Variants in PARD3 observed in about 807,000 individuals in gnomAD.
PARD3 encodes the protein partitioning defective 3 homolog.
A neutral mutation model predicts 155.4 loss-of-function variants in PARD3; 75 were observed. The ratio of observed to expected loss-of-function variants is 0.48; its 90% CI spans 0.40 to 0.58. The LOEUF is 0.58. Among genes scored for constraint, PARD3 ranks in the 20% least tolerant of loss-of-function variants. The probability of loss-of-function intolerance (pLI) is 0.00; values close to 1 mark genes in which losing one functional copy is unlikely to be tolerated. For missense variants in PARD3, 1,642 were observed against 1,721.7 expected (o/e 0.95, Z 0.82); for synonymous variants, 576 against 610.5 (o/e 0.94, Z 0.83).
chr10:34,442,454 T>C (rs1029830982), intron 5 of PARD3, among the ~76,000 whole-genome samples: 4 of 152,136 alleles, frequency 2.6e-5, no homozygotes, highest in Non-Finnish European at 4.4e-5. Flanking sequence ...TAAGAAAATA[T>C]AGGCACTGAG....
intron 2 of PARD3, among the ~76,000 whole-genome samples, chr10:34,682,812 G>A (rs942568491): frequency 3.3e-5 from 5 of 152,142 alleles, no homozygotes; most frequent in African/African-American, 1.2e-4. Flanking sequence ...AGGAGACAGA[G>A]GTTGCAGAGA....
chr10:34,725,809 A>G (rs1187695084), intron 1 of PARD3, among the ~76,000 whole-genome samples: 1 of 152,224 alleles, frequency 6.6e-6, no homozygotes, highest in Non-Finnish European at 1.5e-5. Flanking sequence ...GCAACTGAAC[A>G]ACAAAAGTTA....
rs1210600478 is a variant in PARD3 at position 34,696,331 on chromosome 10, T to C, written c.209A>G (p.Asp70Gly). ...ACCTGAACTCACTCTGTCTTTATCGTCTGCTACATCACAAAGAATGTCATC... is the reference window on the plus strand; with the variant it reads ...ACCTGAACTCACTCTGTCTTTATCGCCTGCTACATCACAAAGAATGTCATC... Reference protein sequence around the residue: ...DLDDILCDVADDKDRLVAVFD... With the variant: ...DLDDILCDVAGDKDRLVAVFD... The change falls in exon 2 of 25, where the codon GAC becomes GGC. Residue 70 changes from aspartate to glycine, a missense_variant. Around this residue, in one of 3 missense-constraint regions of PARD3, gnomAD observed 38 missense variants for 69.1 expected, o/e 0.55. Coordinates refer to ENST00000374788, the MANE Select transcript of PARD3 (RefSeq NM_001184785.2). 6.2e-7 allele frequency: 1 copy of C among 1,606,560 alleles called. No individual in the cohort carries two copies. Among genetic ancestry groups the C allele is most frequent in the Non-Finnish European group, 8.5e-7 (1 of 1,173,222 alleles).
chr10:34,628,996 G>A (rs2092127640), intron 2 of PARD3, among the ~76,000 whole-genome samples: 1 of 152,258 alleles, frequency 6.6e-6, no homozygotes, highest in Non-Finnish European at 1.5e-5. Context: ...AAAAGAATAG[G>A]TCTTTAAGCC....
At chr10:34,763,657 C>T (rs983213452) in intron 1 of PARD3, among the ~76,000 whole-genome samples, 4 of 152,170 alleles carry the variant, frequency 2.6e-5, no homozygotes, top group Admixed American at 2.6e-4. Context: ...ATTTACAGCC[C>T]ATTTCTAACC....
At chr10:34,341,307 A>G (rs1425643707) in intron 16 of PARD3, among the ~76,000 whole-genome samples, 1 of 152,204 alleles carries the variant, frequency 6.6e-6, no homozygotes, top group Non-Finnish European at 1.5e-5. Context: ...AATTTATTTA[A>G]TTAAAAAACA....
intron 2 of PARD3, among the ~76,000 whole-genome samples, chr10:34,652,688 C>T (rs2093048115): frequency 6.6e-6 from 1 of 152,206 alleles, no homozygotes; most frequent in Non-Finnish European, 1.5e-5. Context: ...AATGACTGCC[C>T]TCTCGCAGTG....
chr10:34,145,219 ATAT>A (rs531671176), intron 22 of PARD3, among the ~76,000 whole-genome samples: 587 of 53,524 alleles, frequency 0.011, 3 homozygotes, highest in South Asian at 0.015. Flanking sequence ...ATATATATAT[ATAT>A]TTTTTTTTTT....
At chr10:34,311,498 A>G (rs1273109178) in intron 20 of PARD3, among the ~76,000 whole-genome samples, 3 of 152,226 alleles carry the variant, frequency 2.0e-5, no homozygotes, top group African/African-American at 7.2e-5. Context: ...CTTACAAGAG[A>G]GAAGGCTTCA....
chr10:34,746,969 G>A (rs893237506), intron 1 of PARD3, among the ~76,000 whole-genome samples: 26 of 152,160 alleles, frequency 1.7e-4, no homozygotes, highest in African/African-American at 6.3e-4. Context: ...TCTGCTCCTC[G>A]ACCCTTCCCT....
chr10:34,562,228 G>C (rs1039498857), intron 2 of PARD3, among the ~76,000 whole-genome samples: 7 of 150,406 alleles, frequency 4.7e-5, no homozygotes, highest in Non-Finnish European at 1.0e-4. Flanking sequence ...CCTGAAGTCA[G>C]GAGTTTGAGA....
intron 10 of PARD3, among the ~76,000 whole-genome samples, chr10:34,377,151 C>G (rs1387443369): frequency 2.0e-5 from 3 of 152,194 alleles, no homozygotes; most frequent in African/African-American, 7.2e-5. Context: ...CTCCTCTTAT[C>G]AAGGAACACT....
intron 2 of PARD3, among the ~76,000 whole-genome samples, chr10:34,673,764 G>A (rs1282007195): frequency 6.6e-6 from 1 of 152,014 alleles, no homozygotes; most frequent in African/African-American, 2.4e-5. Context: ...AAAAGATATC[G>A]AGACAGACAG....
At chr10:34,659,400 G>A (rs2093265276) in intron 2 of PARD3, among the ~76,000 whole-genome samples, 1 of 152,068 alleles carries the variant, frequency 6.6e-6, no homozygotes, top group South Asian at 2.1e-4. Context: ...TCACTCAGCT[G>A]TAGTAATTAT....
intron 1 of PARD3, among the ~76,000 whole-genome samples, chr10:34,735,186 T>A (rs1183125028): frequency 3.3e-5 from 5 of 152,118 alleles, no homozygotes; most frequent in Non-Finnish European, 7.4e-5. Context: ...ACGAGAGAGA[T>A]CAATTATCTT....
intron 1 of PARD3, among the ~76,000 whole-genome samples, chr10:34,711,050 C>A (rs955320703): frequency 2.0e-5 from 3 of 152,144 alleles, no homozygotes; most frequent in Admixed American, 6.6e-5. Context: ...ACGGTGCACA[C>A]CTGTAGTCCC....
At chr10:34,375,071 C>G (rs1589356195) in intron 10 of PARD3, 69 bp from the exon 11 acceptor site, 2 of 940,052 alleles carry the variant, frequency 2.1e-6, no homozygotes, top group East Asian at 2.5e-5. Context: ...CACACACACA[C>G]ACACACACAC....
chr10:34,474,348 A>G (rs1052199806), intron 3 of PARD3, among the ~76,000 whole-genome samples: 1 of 152,184 alleles, frequency 6.6e-6, no homozygotes, highest in African/African-American at 2.4e-5. Context: ...ACAGCCTACA[A>G]TTTAGACTCA....
In PARD3 at chr10:34,453,868, T is replaced by C. The variant is rs540142895; in HGVS notation, c.583-3420A>G. Among the ~76,000 whole-genome samples, 36 of 152,342 alleles carry C rather than the reference T, an allele frequency of 2.4e-4. 1 individual carries two copies. Among genetic ancestry groups the C allele is most frequent in the African/African-American group, 7.9e-4 (33 of 41,580 alleles). On this transcript the variant is annotated intron_variant, in intron 4 of 24. Coordinates refer to ENST00000374788, the MANE Select transcript of PARD3 (RefSeq NM_001184785.2). ...GAAAGAATGGCTGAAGATGGCAAGG[T>C]CTGCACTTTTCCACTGCACTTGAAG...
Sources: gnomAD v4.1 joint callset for allele counts (sites outside exome capture counted in the v4.1 genomes callset) on GRCh38, gnomAD v4.1.1 for gene constraint, gnomAD v4.1.1 regional missense constraint, MANE v1.5 for transcripts, NCBI Gene and HGNC (gene_info 2026-07-23, HGNC 2026-07-21) for gene names.